The following CDKN2B-AS1 variants were observed in gnomAD, a reference collection of about 807,000 sequenced individuals.
CDKN2B-AS1 encodes the protein CDKN2B antisense RNA 1 (non-protein coding).
intron 4 of CDKN2B-AS1, among the ~76,000 whole-genome samples, chr9:22,105,431 A>T (rs963702650): frequency 1.3e-5 from 2 of 152,150 alleles, no homozygotes; most frequent in Non-Finnish European, 2.9e-5. Context: ...GTCTGCTGGG[A>T]CTGCATGATT....
chr9:22,008,774 G>A (rs1236960364), intron 1 of CDKN2B-AS1: 2 of 1,608,532 alleles, frequency 1.2e-6, no homozygotes, highest in South Asian at 1.1e-5. Flanking sequence ...CCCCCTGCCG[G>A]CGAGGCCCTG....
intron 1 of CDKN2B-AS1, among the ~76,000 whole-genome samples, chr9:22,010,330 G>T (rs1821434972): frequency 6.6e-6 from 1 of 152,160 alleles, no homozygotes; most frequent in Non-Finnish European, 1.5e-5. Flanking sequence ...ACATTGGATA[G>T]GAAGAGAACC....
intron 4 of CDKN2B-AS1, chr9:22,077,993 T>A (rs753380799): frequency 2.6e-5 from 4 of 152,218 alleles, no homozygotes; most frequent in African/African-American, 4.8e-5. Context: ...TTCATATTTT[T>A]AAGTTTTTTT....
At chr9:22,016,642 C>T (rs1342805619) in intron 1 of CDKN2B-AS1, among the ~76,000 whole-genome samples, 5 of 151,970 alleles carry the variant, frequency 3.3e-5, no homozygotes, top group Non-Finnish European at 5.9e-5. Flanking sequence ...GAAATAACAC[C>T]GCATATCTAC....
chr9:22,101,696 A>G (rs1825490710), intron 4 of CDKN2B-AS1, among the ~76,000 whole-genome samples: 1 of 79,546 alleles, frequency 1.3e-5, no homozygotes, highest in South Asian at 4.3e-4. Flanking sequence ...ACACACACAC[A>G]CACACATGGC....
intron 1 of CDKN2B-AS1, among the ~76,000 whole-genome samples, chr9:22,019,359 A>G (rs770201142): frequency 5.3e-5 from 8 of 152,194 alleles, no homozygotes; most frequent in Non-Finnish European, 1.0e-4. Flanking sequence ...AGGATAGGTT[A>G]TGGTAGCTTG....
At chr9:22,079,611 C>T (rs546866618) in intron 4 of CDKN2B-AS1, among the ~76,000 whole-genome samples, 5 of 151,964 alleles carry the variant, frequency 3.3e-5, no homozygotes, top group African/African-American at 9.6e-5. Flanking sequence ...TGAGGCTTAT[C>T]GGAATGTTTG....
intron 4 of CDKN2B-AS1, chr9:22,119,666 TCTGG>T: frequency 6.6e-6 from 1 of 152,282 alleles, no homozygotes; most frequent in African/African-American, 2.4e-5. Context: ...ACTTGGGAGG[TCTGG>T]CTATTTCAGG....
At chr9:22,096,013 CA>C (rs1825262975) in intron 4 of CDKN2B-AS1, among the ~76,000 whole-genome samples, 1 of 151,998 alleles carries the variant, frequency 6.6e-6, no homozygotes, top group African/African-American at 2.4e-5. Flanking sequence ...ACTGGTATTA[CA>C]AAAAGCTTCT....
chr9:22,091,655 A>T (rs1023477535), intron 4 of CDKN2B-AS1, among the ~76,000 whole-genome samples: 4 of 152,040 alleles, frequency 2.6e-5, no homozygotes, highest in Non-Finnish European at 5.9e-5. Flanking sequence ...AATGCTTGTG[A>T]TTTTCGCACA....
rs988392292 is a variant in CDKN2B-AS1, at chr9:22,098,378, A to G, written n.439-28725A>G. On this transcript the variant is annotated intron_variant and non_coding_transcript_variant, in intron 4 of 4. Coordinates refer to ENST00000650946, the Ensembl canonical transcript of CDKN2B-AS1. ...GAAAACACAGGAATATCTAAAAGAA[A>G]CTATTACTTATAGGGGTTATGGGAA... is the stretch of plus-strand genomic sequence containing the variant. 1.4e-4 allele frequency among the ~76,000 whole-genome samples: 21 copies of G among 151,764 alleles called. 1 individual carries two copies. Among genetic ancestry groups the G allele is most frequent in the African/African-American group, 4.6e-4 (19 of 41,340 alleles).
chr9:22,104,968 G>T (rs151126527), intron 4 of CDKN2B-AS1, among the ~76,000 whole-genome samples: 9 of 152,246 alleles, frequency 5.9e-5, no homozygotes, highest in Admixed American at 6.5e-5. Flanking sequence ...CTCTTTAGGA[G>T]GAAATAGGGG....
At chr9:22,008,786 G>A (rs746298063) in intron 1 of CDKN2B-AS1, 5 of 1,607,070 alleles carry the variant, frequency 3.1e-6, no homozygotes, top group African/African-American at 2.7e-5. Context: ...GAGGCCCTGG[G>A]GCCCCAGCTA....
intron 1 of CDKN2B-AS1, chr9:22,030,942 C>T (rs1822442579): frequency 6.6e-6 from 1 of 152,110 alleles, no homozygotes. Context: ...TCATTTCTTT[C>T]ACCAGGTGTA....
intron 1 of CDKN2B-AS1, chr9:22,012,678 C>A (rs567758987): frequency 4.7e-4 from 162 of 347,662 alleles, no homozygotes; most frequent in South Asian, 1.0e-3. Flanking sequence ...AGCGACCTAA[C>A]CTTGCCCTCA....
chr9:22,071,285 C>CTTT lies in CDKN2B-AS1; in HGVS notation n.438+14927_438+14929dup, dbSNP rs71336509. The stretch of plus-strand genomic sequence containing the variant: ...AGAGGCCAGGCTTAGAAATATCTAG[C>CTTT]TTTTTTTTTTTTTTTTTTTTTTTTT... On this transcript the variant is annotated intron_variant and non_coding_transcript_variant, in intron 4 of 4. Transcript: ENST00000650946. Among the ~76,000 whole-genome samples, 125 of 67,574 alleles carry CTTT rather than the reference C, an allele frequency of 1.8e-3. 12 individuals carry two copies. The highest frequency in any genetic ancestry group is 2.5e-3 in the Admixed American group (12 of 4,850). The allele number at this position is 67,574 out of a possible 152,430, so 44.3% of individuals were successfully genotyped here. A position where few individuals can be genotyped will look rare whatever the true frequency, so the allele number is the denominator to read the frequency against.
chr9:22,058,435 C>T (rs763993506), intron 4 of CDKN2B-AS1: 3 of 152,172 alleles, frequency 2.0e-5, no homozygotes, highest in Admixed American at 2.0e-4. Flanking sequence ...TAACACAGGA[C>T]AAATGGAATT....
rs192011594 is a variant in CDKN2B-AS1, at chr9:22,076,268, G to C, written n.438+19881G>C. 4.6e-3 allele frequency among the ~76,000 whole-genome samples: 696 copies of C among 152,110 alleles called. 8 individuals are homozygous for C. The highest frequency in any genetic ancestry group is 0.016 in the African/African-American group (654 of 41,508). ...AGGGTTTCACCATGTTGGCCCGGCTGGTCTTGAACTCCTGACCTCAGGTGA... is the reference window on the plus strand; with the variant it reads ...AGGGTTTCACCATGTTGGCCCGGCTCGTCTTGAACTCCTGACCTCAGGTGA... On this transcript the variant is annotated intron_variant and non_coding_transcript_variant, in intron 4 of 4. Transcript: ENST00000650946.
chr9:22,043,372 G>A (rs981939919), intron 1 of CDKN2B-AS1, among the ~76,000 whole-genome samples: 4 of 151,766 alleles, frequency 2.6e-5, no homozygotes, highest in African/African-American at 9.7e-5. Context: ...TTCCACATTC[G>A]CTGCCTTTAT....
Sources: gnomAD v4.1 joint callset for allele counts (sites outside exome capture counted in the v4.1 genomes callset) on GRCh38, gnomAD v4.1.1 for gene constraint, MANE v1.5 for transcripts, NCBI Gene and HGNC (gene_info 2026-07-23, HGNC 2026-07-21) for gene names.